PRKX: variants seen among roughly 807,000 people sequenced by gnomAD.
The protein encoded by PRKX is cAMP-dependent protein kinase catalytic subunit PRKX.
A neutral mutation model predicts 22.0 loss-of-function variants in PRKX; 12 were observed. The observed-to-expected ratio is 0.54, with a 90% CI of 0.35 to 0.88. The LOEUF is 0.88. PRKX is among the 40% of genes least tolerant of loss of function. The probability of loss-of-function intolerance (pLI) is 0.01; values close to 1 mark genes in which losing one functional copy is unlikely to be tolerated. For missense variants in PRKX, 217 were observed against 308.0 expected, an observed-to-expected ratio of 0.70 and a Z score of 2.21; for synonymous variants, 134 against 137.7, an observed-to-expected ratio of 0.97 and a Z score of 0.19.
chrX:3,704,512 A>G (rs1202642594), intron 1 of PRKX, among the ~76,000 whole-genome samples: 2 of 111,492 alleles, frequency 1.8e-5, no homozygotes, highest in East Asian at 5.7e-4. Context: ...AAAAAAAATC[A>G]AAACAATAGC....
At chrX:3,652,144 T>C (rs1345534562) in intron 3 of PRKX, among the ~76,000 whole-genome samples, 1 of 110,177 alleles carries the variant, frequency 9.1e-6, no homozygotes, top group Non-Finnish European at 1.9e-5. Flanking sequence ...TGGGGCCGGG[T>C]GCGGTGGCTC....
chrX:3,638,171 C>T (rs1926933982), intron 4 of PRKX, among the ~76,000 whole-genome samples: 1 of 111,315 alleles, frequency 9.0e-6, no homozygotes. Flanking sequence ...AGCCTATTAA[C>T]AATTCTGGTA....
intron 1 of PRKX, among the ~76,000 whole-genome samples, chrX:3,696,625 T>C (rs1428692942): frequency 8.9e-6 from 1 of 111,929 alleles, no homozygotes; most frequent in Non-Finnish European, 1.9e-5. Context: ...CATCGTAAAA[T>C]CAAAAAATCT....
chrX:3,658,795 C>T (rs1927532955), intron 2 of PRKX, among the ~76,000 whole-genome samples: 1 of 110,651 alleles, frequency 9.0e-6, no homozygotes, highest in African/African-American at 3.3e-5. Context: ...AGCTGCACCC[C>T]GCTGGTATAC....
chrX:3,644,364 G>C (rs758756350), intron 3 of PRKX, among the ~76,000 whole-genome samples: 1 of 82,775 alleles, frequency 1.2e-5, no homozygotes, highest in Non-Finnish European at 2.2e-5. Context: ...TAGTGTCACT[G>C]TACTCCAGCC....
At chrX:3,701,386 G>A (rs185481410) in intron 1 of PRKX, among the ~76,000 whole-genome samples, 67 of 112,676 alleles carry the variant, frequency 5.9e-4, no homozygotes, top group Admixed American at 4.0e-3. Context: ...GATTATAGGC[G>A]TGAGCCACTG....
chrX:3,625,340 C>T (rs1269112595), intron 5 of PRKX, among the ~76,000 whole-genome samples: 1 of 110,934 alleles, frequency 9.0e-6, no homozygotes, highest in South Asian at 3.9e-4. Context: ...TGCTCCATCG[C>T]CCTGAAATAA....
intron 5 of PRKX, among the ~76,000 whole-genome samples, chrX:3,623,772 G>A (rs1404663304): frequency 1.8e-5 from 2 of 110,992 alleles, no homozygotes; most frequent in African/African-American, 6.6e-5. Context: ...TTTTATTTAC[G>A]ATCCTGGCAC....
At chrX:3,650,456 G>A (rs1375082548) in intron 3 of PRKX, among the ~76,000 whole-genome samples, 7 of 94,108 alleles carry the variant, frequency 7.4e-5, no homozygotes, top group Non-Finnish European at 1.4e-4. Flanking sequence ...GGGAGGCAGA[G>A]CTTGCAGTGA....
At chrX:3,665,123 C>T (rs763118592) in intron 2 of PRKX, among the ~76,000 whole-genome samples, 10 of 111,490 alleles carry the variant, frequency 9.0e-5, no homozygotes, top group South Asian at 7.4e-4. Context: ...TATATGTGTG[C>T]GTGCATGTGT....
chrX:3,633,420 C>G (rs746940216), intron 4 of PRKX, among the ~76,000 whole-genome samples: 1 of 108,073 alleles, frequency 9.3e-6, no homozygotes, highest in South Asian at 4.1e-4. Context: ...AAAAATTAGC[C>G]AGGTACAGTG....
chrX:3,623,094 G>GA (rs79143615), intron 5 of PRKX, among the ~76,000 whole-genome samples: 1 of 106,586 alleles, frequency 9.4e-6, no homozygotes, highest in South Asian at 4.2e-4. Flanking sequence ...TTATAGGGGG[G>GA]AAAAAAAGCC....
chrX:3,677,230 T>A, intron 1 of PRKX, among the ~76,000 whole-genome samples: 1 of 111,224 alleles, frequency 9.0e-6, no homozygotes, highest in South Asian at 3.8e-4. Flanking sequence ...ACTGAACTGA[T>A]AAATGAAATT....
intron 4 of PRKX, among the ~76,000 whole-genome samples, chrX:3,636,313 G>T (rs1320537548): frequency 8.9e-6 from 1 of 112,909 alleles, no homozygotes; most frequent in Non-Finnish European, 1.9e-5. Context: ...GGCTCCACTT[G>T]TATGTGCAGC....
intron 6 of PRKX, among the ~76,000 whole-genome samples, chrX:3,618,796 G>A (rs1292393443): frequency 1.3e-4 from 14 of 110,943 alleles, no homozygotes; most frequent in Admixed American, 4.8e-4. Flanking sequence ...TGGTCACTAC[G>A]CCATTCCCAG....
chrX:3,639,737 T>C (rs1927029097), intron 4 of PRKX, among the ~76,000 whole-genome samples: 1 of 111,003 alleles, frequency 9.0e-6, no homozygotes, highest in African/African-American at 3.3e-5. Flanking sequence ...GGTTTTGTGG[T>C]GGAATTCTTT....
rs1926181498 is a variant in PRKX at position 3,606,693 on chromosome X, TTA to T, written c.*2274_*2275del. On this transcript the variant is annotated 3_prime_UTR_variant, in exon 9 of 9. Transcript: ENST00000262848. The stretch of plus-strand genomic sequence containing the variant: ...CCTGGCCAGGTAAACTATTTTAAAA[TTA>T]TACAGTGATTGCTCCATGTTTATAG... 1.3e-5 allele frequency: 1 copy of T among 76,627 alleles called. No individual in the cohort carries two copies. The highest frequency in any genetic ancestry group is 5.3e-4 in the South Asian group (1 of 1,904). 6.3% of individuals were successfully genotyped at this position (76,627 alleles called of 1,213,427 possible).
At chrX:3,665,694 T>G (rs1035192502) in intron 2 of PRKX, among the ~76,000 whole-genome samples, 1 of 110,696 alleles carries the variant, frequency 9.0e-6, no homozygotes, top group African/African-American at 3.3e-5. Context: ...GGAAATTCCT[T>G]TCTACAGGAC....
intron 3 of PRKX, among the ~76,000 whole-genome samples, chrX:3,644,234 C>CAAAA (rs35016428): frequency 4.4e-5 from 2 of 45,083 alleles, no homozygotes; most frequent in African/African-American, 9.9e-5. Flanking sequence ...CACTCCTTTA[C>CAAAA]AAAAAAAAAA....
Sources: gnomAD v4.1 joint callset for allele counts (sites outside exome capture counted in the v4.1 genomes callset) on GRCh38, gnomAD v4.1.1 for gene constraint, MANE v1.5 for transcripts, NCBI Gene and HGNC (gene_info 2026-07-23, HGNC 2026-07-21) for gene names.